Variants in PTPRK observed in about 807,000 individuals in gnomAD.
The protein encoded by PTPRK is protein tyrosine phosphatase receptor type K.
PTPRK carries 75 observed loss-of-function variants against 178.0 expected under a neutral mutation model. That is an observed-to-expected ratio of 0.42 (90% confidence interval 0.35 to 0.51). The LOEUF (loss-of-function observed/expected upper bound fraction) is 0.51. Among genes scored for constraint, PTPRK ranks in the 20% least tolerant of loss-of-function variants. The pLI, the probability that PTPRK is intolerant of heterozygous loss-of-function variation, is 0.02. For synonymous variants in PTPRK, 637 were observed against 620.6 expected (o/e 1.03, Z -0.39); for missense variants, 1,441 against 1,797.8 (o/e 0.80, Z 3.59).
chr6:128,289,361 A>G (rs1823009554), intron 3 of PTPRK, among the ~76,000 whole-genome samples: 1 of 152,164 alleles, frequency 6.6e-6, no homozygotes, highest in African/African-American at 2.4e-5. Flanking sequence ...ACAATTTGTT[A>G]TATGTGCTAT....
rs560271862 is a variant in PTPRK at position 128,448,737 on chromosome 6, G to A, written c.101-51049C>T. ...ACCAAGCCCAAAAAGTACTAGCCAA[G>A]CAGAGCATTTAAGAGGGGTTATCTA... On this transcript the variant is annotated intron_variant, in intron 1 of 29. Transcript: ENST00000368226. Among the ~76,000 whole-genome samples the A allele has an allele frequency of 3.3e-5, 5 of 152,234 alleles. No homozygotes were observed. In the South Asian group the frequency reaches 8.3e-4, roughly 25 times the overall value.
At chr6:128,218,104 C>T (rs1809677171) in intron 6 of PTPRK, among the ~76,000 whole-genome samples, 1 of 152,062 alleles carries the variant, frequency 6.6e-6, no homozygotes, top group Non-Finnish European at 1.5e-5. Context: ...CAATTTCCAT[C>T]GTTTTGTGTC....
At chr6:128,464,618 T>TATATATATAC (rs1849510907) in intron 1 of PTPRK, among the ~76,000 whole-genome samples, 1 of 90,922 alleles carries the variant, frequency 1.1e-5, no homozygotes, top group African/African-American at 4.5e-5. Context: ...TATATACATA[T>TATATATATAC]ACATATATAT....
chr6:127,971,265 C>T (rs990090879), intron 29 of PTPRK, among the ~76,000 whole-genome samples: 4 of 152,050 alleles, frequency 2.6e-5, no homozygotes, highest in Non-Finnish European at 1.5e-5. Flanking sequence ...TTATAATATG[C>T]AATTCATTTA....
chr6:128,095,363 T>C (rs553335328), intron 7 of PTPRK, among the ~76,000 whole-genome samples: 14 of 152,298 alleles, frequency 9.2e-5, no homozygotes, highest in Admixed American at 8.5e-4. Flanking sequence ...TCTACTTTTC[T>C]TTTTTGAAAT....
chr6:128,049,924 G>T (rs1778713606), intron 13 of PTPRK, among the ~76,000 whole-genome samples: 1 of 152,144 alleles, frequency 6.6e-6, no homozygotes, highest in African/African-American at 2.4e-5. Flanking sequence ...AGCACCTGAG[G>T]TCGGGAGTTC....
At chr6:128,477,866 A>G (rs1417864587) in intron 1 of PTPRK, among the ~76,000 whole-genome samples, 1 of 152,130 alleles carries the variant, frequency 6.6e-6, no homozygotes, top group Non-Finnish European at 1.5e-5. Context: ...AATAAGAAAC[A>G]ATGTTCAATT....
chr6:128,324,892 C>A (rs1829335308), intron 2 of PTPRK, among the ~76,000 whole-genome samples: 1 of 152,160 alleles, frequency 6.6e-6, no homozygotes, highest in African/African-American at 2.4e-5. Flanking sequence ...ATCTAAAAAT[C>A]ACTTCTGTAG....
chr6:128,310,797 G>T lies in PTPRK; in HGVS notation c.495+11242C>A, dbSNP rs189324091. Among the ~76,000 whole-genome samples the T allele has an allele frequency of 4.8e-4, 73 of 152,250 alleles. 1 individual carries two copies. In the Middle Eastern group the frequency reaches 0.02, roughly 43 times the overall value. ...AACAGCAACCCACTTTATTCTCCAG[G>T]AGATCTTGGGGAGTAGCATGCCCTT... is the stretch of plus-strand genomic sequence containing the variant. On this transcript the variant is annotated intron_variant, in intron 3 of 29. Coordinates refer to ENST00000368226, the MANE Select transcript of PTPRK (RefSeq NM_002844.4).
intron 1 of PTPRK, among the ~76,000 whole-genome samples, chr6:128,459,277 C>G (rs1406521349): frequency 6.6e-6 from 1 of 152,146 alleles, no homozygotes; most frequent in Non-Finnish European, 1.5e-5. Context: ...GGCATCAAAA[C>G]TTGGCAAAGT....
At chr6:128,504,057 T>C (rs1239496916) in intron 1 of PTPRK, among the ~76,000 whole-genome samples, 1 of 152,160 alleles carries the variant, frequency 6.6e-6, no homozygotes, top group East Asian at 1.9e-4. Flanking sequence ...GGATATCATA[T>C]TTGATAAAAA....
chr6:128,450,409 T>C (rs1242880884), intron 1 of PTPRK, among the ~76,000 whole-genome samples: 2 of 152,240 alleles, frequency 1.3e-5, no homozygotes, highest in Admixed American at 6.5e-5. Context: ...CTTGTTCTAA[T>C]GCATGGAAGA....
chr6:128,001,257 T>G (rs991792423), intron 15 of PTPRK: 29 of 1,446,216 alleles, frequency 2.0e-5, no homozygotes, highest in Non-Finnish European at 2.3e-5. Context: ...TACGAATCAG[T>G]ATGAAAAGTT....
chr6:128,120,748 T>A (rs1286257127), intron 7 of PTPRK, among the ~76,000 whole-genome samples: 2 of 151,926 alleles, frequency 1.3e-5, no homozygotes, highest in African/African-American at 4.8e-5. Flanking sequence ...CAGTTTAAAT[T>A]TTTTTAAGGA....
At chr6:128,031,090 T>A (rs911953222) in intron 13 of PTPRK, among the ~76,000 whole-genome samples, 1 of 152,164 alleles carries the variant, frequency 6.6e-6, no homozygotes, top group Non-Finnish European at 1.5e-5. Flanking sequence ...AATAAAATCA[T>A]ACGTAGGGAC....
intron 6 of PTPRK, among the ~76,000 whole-genome samples, chr6:128,194,736 T>C (rs964073214): frequency 3.3e-5 from 5 of 152,172 alleles, no homozygotes; most frequent in African/African-American, 1.2e-4. Context: ...TAGGAGACTT[T>C]TTAAAAAATA....
At chr6:128,414,572 G>A (rs1433915121) in intron 1 of PTPRK, among the ~76,000 whole-genome samples, 1 of 152,172 alleles carries the variant, frequency 6.6e-6, no homozygotes, top group Non-Finnish European at 1.5e-5. Flanking sequence ...AAGTTGGATT[G>A]CCTTGCCACT....
At chr6:128,024,709 C>G (rs1582566216) in intron 13 of PTPRK, among the ~76,000 whole-genome samples, 1 of 152,178 alleles carries the variant, frequency 6.6e-6, no homozygotes, top group Middle Eastern at 3.4e-3. Context: ...ACCTGGGAGG[C>G]TGAGACAGGA....
intron 7 of PTPRK, among the ~76,000 whole-genome samples, chr6:128,122,055 C>T (rs1170421080): frequency 6.6e-6 from 1 of 152,064 alleles, no homozygotes; most frequent in Non-Finnish European, 1.5e-5. Context: ...ATTGTTGCTG[C>T]CATCTGTTAA....
Sources: allele counts gnomAD v4.1 joint callset (sites outside exome capture counted in the v4.1 genomes callset), GRCh38; gene constraint gnomAD v4.1.1; transcripts MANE v1.5; gene names NCBI Gene and HGNC (gene_info 2026-07-23, HGNC 2026-07-21).